STOX1: variants seen among roughly 807,000 people sequenced by gnomAD.
STOX1 encodes the protein storkhead box 1.
A neutral mutation model predicts 74.8 loss-of-function variants in STOX1; 57 were observed. That is an observed-to-expected ratio of 0.76 (90% CI 0.62 to 0.95). The LOEUF (loss-of-function observed/expected upper bound fraction) is 0.95. STOX1 is among the 40% of genes least tolerant of loss of function. The pLI is 0.00. For synonymous variants in STOX1, 375 were observed against 401.3 expected, an observed-to-expected ratio of 0.93 and a Z score of 0.78; for missense variants, 1,010 against 1,117.0, an observed-to-expected ratio of 0.90 and a Z score of 1.37.
intron 1 of STOX1, among the ~76,000 whole-genome samples, chr10:68,840,628 T>G (rs1461769788): frequency 6.6e-6 from 1 of 151,930 alleles, no homozygotes; most frequent in Non-Finnish European, 1.5e-5. Flanking sequence ...TGGTGTGATC[T>G]TGGCTCACTG....
intron 1 of STOX1, among the ~76,000 whole-genome samples, chr10:68,853,983 CCTTTTTCTTTTTTTTTTT>C (rs1483422302): frequency 1.3e-5 from 2 of 150,862 alleles, no homozygotes; most frequent in East Asian, 1.9e-4. Context: ...CCGCGCCCAG[CCTTTTTCTTTTTTTTTTT>C]CTTTTTCTTT....
intron 1 of STOX1, among the ~76,000 whole-genome samples, chr10:68,831,607 C>T (rs1366965115): frequency 6.6e-6 from 1 of 152,136 alleles, no homozygotes; most frequent in African/African-American, 2.4e-5. Flanking sequence ...ATAAGTCCAA[C>T]TGTGCTGCCT....
intron 1 of STOX1, among the ~76,000 whole-genome samples, chr10:68,831,363 T>G (rs544164904): frequency 6.6e-6 from 1 of 152,068 alleles, no homozygotes; most frequent in African/African-American, 2.4e-5. Flanking sequence ...ATTTTTGTAT[T>G]TTTAGTAGAG....
chr10:68,858,602 A>G (rs1840184654), intron 1 of STOX1, among the ~76,000 whole-genome samples: 1 of 152,136 alleles, frequency 6.6e-6, no homozygotes, highest in Non-Finnish European at 1.5e-5. Context: ...TCAACTTGAA[A>G]GCAGCTGGGA....
At chr10:68,840,479 C>T (rs1839664434) in intron 1 of STOX1, among the ~76,000 whole-genome samples, 1 of 152,020 alleles carries the variant, frequency 6.6e-6, no homozygotes, top group African/African-American at 2.4e-5. Flanking sequence ...AGGCTCGGCT[C>T]AAGTGCTGGG....
At chr10:68,867,143 C>T (rs2133572589) in intron 1 of STOX1, among the ~76,000 whole-genome samples, 1 of 152,100 alleles carries the variant, frequency 6.6e-6, no homozygotes, top group South Asian at 2.1e-4. Context: ...GACAGGGTTT[C>T]ACTGTGTTAG....
Position 68,886,055 on chromosome 10 carries a change from T to C in STOX1, c.2259T>C (p.Pro753=), listed in dbSNP as rs1252749040. The part of the protein sequence containing the change: ...SENDDLRQML[P]GHSQYSFTGG... ...ATGACGACTTACGTCAAATGCTGCC[T>C]GGCCACAGTCAGTATTCCTTCACAG... The change falls in exon 3 of 4, where the codon CCT becomes CCC. Residue 753 remains proline (P), a synonymous_variant. Coordinates refer to ENST00000298596, the MANE Select transcript of STOX1 (RefSeq NM_152709.5). 1.9e-6 allele frequency: 3 copies of C among 1,614,232 alleles called. No homozygotes were observed. Among genetic ancestry groups the C allele is most frequent in the African/African-American group, 1.3e-5 (1 of 75,056 alleles).
chr10:68,865,510 G>C (rs1405803881), intron 1 of STOX1, among the ~76,000 whole-genome samples: 4 of 152,138 alleles, frequency 2.6e-5, no homozygotes, highest in African/African-American at 9.7e-5. Flanking sequence ...TTAGCCAGGC[G>C]TGGCAGTGGG....
intron 3 of STOX1, among the ~76,000 whole-genome samples, chr10:68,889,165 G>T (rs369499504): frequency 6.6e-6 from 1 of 151,578 alleles, no homozygotes; most frequent in Non-Finnish European, 1.5e-5. Context: ...TAGAGATGAG[G>T]TTTTACAGTG....
At chr10:68,869,923 G>C (rs1242307656) in intron 1 of STOX1, among the ~76,000 whole-genome samples, 1 of 152,036 alleles carries the variant, frequency 6.6e-6, no homozygotes, top group Non-Finnish European at 1.5e-5. Context: ...TATGGGCAAG[G>C]GAACTGAGAC....
At chr10:68,833,598 A>G (rs2133487692) in intron 1 of STOX1, among the ~76,000 whole-genome samples, 2 of 152,208 alleles carry the variant, frequency 1.3e-5, no homozygotes, top group East Asian at 3.9e-4. Flanking sequence ...AGAGTGAAAC[A>G]GAACAGACCA....
chr10:68,875,329 AC>A (rs1840649029), intron 1 of STOX1, among the ~76,000 whole-genome samples: 1 of 152,174 alleles, frequency 6.6e-6, no homozygotes, highest in Non-Finnish European at 1.5e-5. Flanking sequence ...ATCATCTGTA[AC>A]TGGAAGATTT....
At chr10:68,859,705 G>A (rs1589225946) in intron 1 of STOX1, among the ~76,000 whole-genome samples, 4 of 151,988 alleles carry the variant, frequency 2.6e-5, no homozygotes, top group Admixed American at 2.0e-4. Flanking sequence ...GTTGCAGATT[G>A]TAGAAAGTCT....
At chr10:68,860,508 T>C (rs1218516936) in intron 1 of STOX1, among the ~76,000 whole-genome samples, 1 of 146,424 alleles carries the variant, frequency 6.8e-6, no homozygotes, top group Non-Finnish European at 1.5e-5. Context: ...AGGCAGAGGT[T>C]GTAGTGAGCT....
rs185327200 is a variant in STOX1, at chr10:68,842,634, G to A, written c.310+14701G>A. Among the ~76,000 whole-genome samples the A allele has an allele frequency of 3.6e-3, 532 of 149,834 alleles. 5 individuals carry two copies. The highest frequency in any genetic ancestry group is 0.012 in the African/African-American group (473 of 40,592). On this transcript the variant is annotated intron_variant, in intron 1 of 3. Transcript: ENST00000298596. ...CGGTTCACTGCAACCTCCGCCTCCC[G>A]GGTTCAAGCAGTTCTCTGCCTCAGC...
intron 3 of STOX1, among the ~76,000 whole-genome samples, chr10:68,889,707 G>A (rs1279275057): frequency 2.6e-5 from 4 of 152,076 alleles, no homozygotes; most frequent in African/African-American, 9.7e-5. Flanking sequence ...GGGATTACAG[G>A]CACACACCAC....
intron 1 of STOX1, 193 bp downstream of exon 1, chr10:68,828,126 C>T: frequency 2.4e-6 from 1 of 410,758 alleles, no homozygotes; most frequent in Non-Finnish European, 3.0e-6. Flanking sequence ...CTGGCGCGCG[C>T]CGCCTCGCGG....
intron 1 of STOX1, among the ~76,000 whole-genome samples, chr10:68,847,183 C>A (rs1839875245): frequency 6.6e-6 from 1 of 152,138 alleles, no homozygotes; most frequent in Admixed American, 6.6e-5. Context: ...TTAAATTCTC[C>A]AGAGGCACAG....
At chr10:68,865,716 A>G (rs1403738535) in intron 1 of STOX1, among the ~76,000 whole-genome samples, 1 of 152,228 alleles carries the variant, frequency 6.6e-6, no homozygotes, top group African/African-American at 2.4e-5. Context: ...CCTGGCTGTA[A>G]TGCCCCCTAG....
Sources: allele counts gnomAD v4.1 joint callset (sites outside exome capture counted in the v4.1 genomes callset), GRCh38; gene constraint gnomAD v4.1.1; transcripts MANE v1.5; gene names NCBI Gene and HGNC (gene_info 2026-07-23, HGNC 2026-07-21).